SYT1: variants seen among roughly 807,000 people sequenced by gnomAD.
The protein encoded by SYT1 is synaptotagmin 1, also known as synaptotagmin-1.
In SYT1, 8 loss-of-function variants were observed where a neutral mutation model predicts 44.8. The observed-to-expected ratio is 0.18, with a 90% CI of 0.10 to 0.32. The LOEUF is 0.32. Among genes scored for constraint, SYT1 ranks in the 10% least tolerant of loss-of-function variants. The pLI is 1.00. For missense variants in SYT1, 286 were observed against 509.3 expected, an observed-to-expected ratio of 0.56 and a Z score of 4.22; for synonymous variants, 154 against 188.8, an observed-to-expected ratio of 0.82 and a Z score of 1.51.
At chr12:79,053,270 T>C (rs1372241374) in intron 3 of SYT1, among the ~76,000 whole-genome samples, 3 of 151,726 alleles carry the variant, frequency 2.0e-5, no homozygotes, top group Admixed American at 6.6e-5. Flanking sequence ...AAAAACCAAA[T>C]ACCGCATGTT....
Position 79,350,561 on chromosome 12 carries a change from C to T in SYT1, c.811-2941C>T, listed in dbSNP as rs142539297. Reference sequence around the variant, plus strand: ...GCCACCGCGCCCGGCCCTCAGGATGCATATTCTTGCTCTTGTTTCACATAA... The same window carrying T: ...GCCACCGCGCCCGGCCCTCAGGATGTATATTCTTGCTCTTGTTTCACATAA... On this transcript the variant is annotated intron_variant, in intron 8 of 10. Coordinates refer to ENST00000261205, the MANE Select transcript of SYT1 (RefSeq NM_005639.3). 1.1e-4 allele frequency among the ~76,000 whole-genome samples: 16 copies of T among 152,212 alleles called. No individual in the cohort carries two copies. The East Asian group carries it at 2.5e-3, about 24-fold the overall frequency.
intron 3 of SYT1, among the ~76,000 whole-genome samples, chr12:79,053,250 C>G (rs12316259): frequency 6.6e-6 from 1 of 151,912 alleles, no homozygotes; most frequent in Non-Finnish European, 1.5e-5. Flanking sequence ...AGCAAACTAT[C>G]GCAAGGATAA....
intron 4 of SYT1, among the ~76,000 whole-genome samples, chr12:79,221,802 G>A (rs1345308713): frequency 6.6e-6 from 1 of 151,740 alleles, no homozygotes; most frequent in African/African-American, 2.4e-5. Context: ...TTGCCTTTTA[G>A]CCTTCATACT....
intron 3 of SYT1, among the ~76,000 whole-genome samples, chr12:79,076,546 A>C (rs1248978613): frequency 6.6e-6 from 1 of 152,166 alleles, no homozygotes; most frequent in Non-Finnish European, 1.5e-5. Context: ...AAATTAACCA[A>C]ATCAGGTGAA....
intron 3 of SYT1, among the ~76,000 whole-genome samples, chr12:79,053,578 TTTAA>T (rs1485300464): frequency 6.7e-6 from 1 of 149,066 alleles, no homozygotes; most frequent in African/African-American, 2.4e-5. Context: ...GCATATTAAC[TTTAA>T]TTAAAATTAT....
At chr12:79,087,550 C>T (rs1188505897) in intron 3 of SYT1, among the ~76,000 whole-genome samples, 1 of 152,062 alleles carries the variant, frequency 6.6e-6, no homozygotes, top group Non-Finnish European at 1.5e-5. Context: ...TAGTTCCTGT[C>T]CTCAGAGAGT....
intron 1 of SYT1, among the ~76,000 whole-genome samples, chr12:78,931,245 AGGAAG>A (rs1565723526): frequency 5.1e-5 from 2 of 39,130 alleles, no homozygotes; most frequent in Non-Finnish European, 5.3e-5. Flanking sequence ...GAAAGAAGGA[AGGAAG>A]GAAGGAAGGA....
chr12:78,982,526 G>A (rs975402244), intron 2 of SYT1, among the ~76,000 whole-genome samples: 1 of 152,118 alleles, frequency 6.6e-6, no homozygotes, highest in Non-Finnish European at 1.5e-5. Context: ...CAAGAGCAAA[G>A]GATGAGTTTT....
intron 1 of SYT1, among the ~76,000 whole-genome samples, chr12:78,893,002 A>G (rs112529350): frequency 6.6e-6 from 1 of 151,858 alleles, no homozygotes; most frequent in Non-Finnish European, 1.5e-5. Flanking sequence ...AAATTGCCCA[A>G]ATAAGTTGAT....
chr12:79,088,755 T>C (rs1877564939), intron 3 of SYT1, among the ~76,000 whole-genome samples: 1 of 150,278 alleles, frequency 6.7e-6, no homozygotes, highest in Non-Finnish European at 1.5e-5. Flanking sequence ...TGTGTGTGTG[T>C]GTGTGTGTGT....
intron 3 of SYT1, among the ~76,000 whole-genome samples, chr12:79,131,902 C>A (rs1429487385): frequency 6.6e-6 from 1 of 152,092 alleles, no homozygotes; most frequent in Non-Finnish European, 1.5e-5. Flanking sequence ...ACAGAGGAGG[C>A]AGGAAGTTAG....
At chr12:79,429,334 A>C (rs1026848742) in intron 9 of SYT1, among the ~76,000 whole-genome samples, 8 of 151,376 alleles carry the variant, frequency 5.3e-5, no homozygotes, top group Admixed American at 3.3e-4. Flanking sequence ...AGCCTCCCAC[A>C]TAGCTGGAAC....
At chr12:79,323,427 A>G (rs1316276400) in intron 8 of SYT1, among the ~76,000 whole-genome samples, 2 of 152,232 alleles carry the variant, frequency 1.3e-5, no homozygotes, top group Non-Finnish European at 2.9e-5. Context: ...TGTAACACAA[A>G]CAACAGTCAT....
intron 1 of SYT1, among the ~76,000 whole-genome samples, chr12:78,880,451 A>T (rs1035917588): frequency 6.6e-6 from 1 of 151,514 alleles, no homozygotes; most frequent in Non-Finnish European, 1.5e-5. Context: ...TAAATAAATA[A>T]ATTTATTTAT....
intron 4 of SYT1, among the ~76,000 whole-genome samples, chr12:79,274,309 T>C (rs1400752144): frequency 6.6e-6 from 1 of 152,064 alleles, no homozygotes; most frequent in Non-Finnish European, 1.5e-5. Flanking sequence ...GGGTCAGTTT[T>C]GTATTCTGAG....
intron 3 of SYT1, among the ~76,000 whole-genome samples, chr12:79,155,581 T>C (rs1870545256): frequency 6.6e-6 from 1 of 152,246 alleles, no homozygotes; most frequent in South Asian, 2.1e-4. Context: ...TTTAGTAGTG[T>C]CCTAGATTCA....
intron 9 of SYT1, among the ~76,000 whole-genome samples, chr12:79,435,922 C>A (rs551315715): frequency 1.3e-5 from 2 of 152,126 alleles, no homozygotes; most frequent in African/African-American, 2.4e-5. Context: ...AACAGCCCCC[C>A]GCTGAGAACC....
At chr12:79,353,793 C>T (rs968527670) in intron 9 of SYT1, among the ~76,000 whole-genome samples, 174 bp downstream of exon 9, 4 of 152,188 alleles carry the variant, frequency 2.6e-5, no homozygotes, top group African/African-American at 9.7e-5. Context: ...AAGCCACTCT[C>T]AATTCATAGG....
At chr12:79,156,553 T>C (rs959490424) in intron 3 of SYT1, among the ~76,000 whole-genome samples, 1 of 151,894 alleles carries the variant, frequency 6.6e-6, no homozygotes, top group African/African-American at 2.4e-5. Flanking sequence ...CTGCAACCTC[T>C]GCCTCCCAAG....
Sources: gnomAD v4.1 joint callset for allele counts (sites outside exome capture counted in the v4.1 genomes callset) on GRCh38, gnomAD v4.1.1 for gene constraint, MANE v1.5 for transcripts, NCBI Gene and HGNC (gene_info 2026-07-23, HGNC 2026-07-21) for gene names.